Variants in PXDNL observed in about 807,000 individuals in gnomAD.
PXDNL encodes the protein probable oxidoreductase PXDNL.
A neutral mutation model predicts 150.8 loss-of-function variants in PXDNL; 145 were observed. The observed-to-expected ratio is 0.96, with a 90% confidence interval of 0.84 to 1.10. The LOEUF (loss-of-function observed/expected upper bound fraction) is 1.10. Among genes scored for constraint, PXDNL ranks in the 50% least tolerant of loss-of-function variants. PXDNL has a pLI of 0.00. For missense variants in PXDNL, 2,087 were observed against 1,873.9 expected (o/e 1.11, Z -2.10); for synonymous variants, 757 against 725.7 (o/e 1.04, Z -0.69).
chr8:51,725,553 T>C (rs1393262387), intron 1 of PXDNL, among the ~76,000 whole-genome samples: 3 of 152,202 alleles, frequency 2.0e-5, no homozygotes, highest in Non-Finnish European at 4.4e-5. Context: ...GTGTTCTCTT[T>C]CCTTCCCGGG....
At chr8:51,578,960 T>C (rs1444285164) in intron 3 of PXDNL, among the ~76,000 whole-genome samples, 1 of 152,016 alleles carries the variant, frequency 6.6e-6, no homozygotes, top group Admixed American at 6.6e-5. Context: ...ACTAACTCTA[T>C]GTGGGTTGCA....
intron 17 of PXDNL, among the ~76,000 whole-genome samples, chr8:51,395,642 A>G (rs548748388): frequency 1.3e-5 from 2 of 152,280 alleles, no homozygotes; most frequent in Admixed American, 6.5e-5. Context: ...TTAAAAGATG[A>G]TATAATTTGG....
At chr8:51,619,144 A>C (rs576941022) in intron 2 of PXDNL, among the ~76,000 whole-genome samples, 60 of 152,298 alleles carry the variant, frequency 3.9e-4, no homozygotes, top group African/African-American at 1.4e-3. Flanking sequence ...CATAATAACT[A>C]GAATTCTTCT....
chr8:51,622,556 A>T (rs1477638557), intron 2 of PXDNL, among the ~76,000 whole-genome samples: 1 of 152,222 alleles, frequency 6.6e-6, no homozygotes, highest in African/African-American at 2.4e-5. Context: ...CATTTTTATT[A>T]TGATGTATTA....
At chr8:51,571,803 C>A (rs1268689305) in intron 3 of PXDNL, among the ~76,000 whole-genome samples, 1 of 151,728 alleles carries the variant, frequency 6.6e-6, no homozygotes, top group East Asian at 1.9e-4. Flanking sequence ...TAAAACTAAT[C>A]TGAAAATTCA....
chr8:51,474,921 A>C, intron 7 of PXDNL, 51 bp downstream of exon 7: 1 of 1,400,908 alleles, frequency 7.1e-7, no homozygotes, highest in Non-Finnish European at 9.7e-7. Context: ...TTACAAAAAG[A>C]GAGCAAATGA....
intron 4 of PXDNL, among the ~76,000 whole-genome samples, chr8:51,536,311 T>C (rs1208411479): frequency 6.6e-6 from 1 of 152,254 alleles, no homozygotes; most frequent in Admixed American, 6.5e-5. Context: ...ATCTAGACTA[T>C]GAGGCCTTGT....
At chr8:51,348,983 A>C (rs1039609047) in intron 19 of PXDNL, among the ~76,000 whole-genome samples, 2 of 152,242 alleles carry the variant, frequency 1.3e-5, no homozygotes, top group African/African-American at 4.8e-5. Context: ...GAATGAATGG[A>C]TGGATGAGTC....
At chr8:51,625,434 A>T (rs1447770327) in intron 2 of PXDNL, among the ~76,000 whole-genome samples, 1 of 152,214 alleles carries the variant, frequency 6.6e-6, no homozygotes, top group Non-Finnish European at 1.5e-5. Context: ...GTCAAATCAC[A>T]CTGACTAATT....
chr8:51,550,271 G>T (rs1341644624), intron 4 of PXDNL, among the ~76,000 whole-genome samples: 1 of 152,086 alleles, frequency 6.6e-6, no homozygotes, highest in Non-Finnish European at 1.5e-5. Context: ...ATAAGAATTG[G>T]TTCCAATCCT....
chr8:51,444,861 T>C (rs1311874278), intron 12 of PXDNL, among the ~76,000 whole-genome samples: 1 of 152,156 alleles, frequency 6.6e-6, no homozygotes, highest in East Asian at 1.9e-4. Context: ...CTTTCATTTT[T>C]CTCCACTCCA....
At chr8:51,737,735 T>C (rs1817067026) in intron 1 of PXDNL, among the ~76,000 whole-genome samples, 1 of 133,308 alleles carries the variant, frequency 7.5e-6, no homozygotes, top group Non-Finnish European at 1.6e-5. Flanking sequence ...GCAGTTATCT[T>C]TCTGCAAAGT....
chr8:51,691,372 T>C (rs1815993099), intron 1 of PXDNL, among the ~76,000 whole-genome samples: 1 of 152,200 alleles, frequency 6.6e-6, no homozygotes, highest in South Asian at 2.1e-4. Flanking sequence ...GGATCCACTT[T>C]CAGCTTTCTG....
intron 1 of PXDNL, among the ~76,000 whole-genome samples, chr8:51,676,287 T>C (rs764998171): frequency 2.0e-5 from 3 of 152,272 alleles, no homozygotes; most frequent in Middle Eastern, 3.4e-3. Context: ...TATTCACTTT[T>C]TTTTTTTGAG....
chr8:51,512,054 G>A (rs1442839566), intron 4 of PXDNL, among the ~76,000 whole-genome samples: 4 of 152,094 alleles, frequency 2.6e-5, no homozygotes, highest in East Asian at 3.9e-4. Flanking sequence ...AACAATGCTC[G>A]ACAGATCAGA....
intron 1 of PXDNL, among the ~76,000 whole-genome samples, chr8:51,770,368 C>T (rs993716937): frequency 2.0e-5 from 3 of 152,216 alleles, no homozygotes; most frequent in Admixed American, 2.0e-4. Context: ...TCTTGGCCTT[C>T]ATGGAGCTAA....
At chr8:51,785,052 G>T (rs890524239) in intron 1 of PXDNL, among the ~76,000 whole-genome samples, 4 of 152,096 alleles carry the variant, frequency 2.6e-5, no homozygotes, top group Non-Finnish European at 5.9e-5. Context: ...TAGGCAAATG[G>T]TCTTCAGTGA....
intron 17 of PXDNL, among the ~76,000 whole-genome samples, chr8:51,383,739 G>C (rs1463808488): frequency 6.6e-6 from 1 of 152,160 alleles, no homozygotes; most frequent in Non-Finnish European, 1.5e-5. Flanking sequence ...TTGATATACA[G>C]AGAGTTGAAA....
At chr8:51,676,154 T>C (rs10090972) in intron 1 of PXDNL, among the ~76,000 whole-genome samples, 97,997 of 151,780 alleles carry the variant, frequency 0.65, 33,842 homozygotes, top group East Asian at 0.84. Context: ...CTATTACTGA[T>C]GTTGTTATCT....
Sources: allele counts gnomAD v4.1 joint callset (sites outside exome capture counted in the v4.1 genomes callset), GRCh38; gene constraint gnomAD v4.1.1; transcripts MANE v1.5; gene names NCBI Gene and HGNC (gene_info 2026-07-23, HGNC 2026-07-21).